The following SNX24 variants were observed in gnomAD, a reference collection of about 807,000 sequenced individuals.
SNX24 encodes sorting nexin-24.
A neutral mutation model predicts 28.7 loss-of-function variants in SNX24; 22 were observed. That is an observed-to-expected ratio of 0.77 (90% CI 0.55 to 1.10). SNX24 has a LOEUF of 1.10. Among genes scored for constraint, SNX24 ranks in the 50% least tolerant of loss-of-function variants. The pLI is 0.00. For missense variants in SNX24, 221 were observed against 201.1 expected (o/e 1.10, Z -0.60); for synonymous variants, 69 against 71.5 (o/e 0.96, Z 0.18).
At chr5:122,881,834 CAT>C (rs974285876) in intron 1 of SNX24, among the ~76,000 whole-genome samples, 4 of 151,208 alleles carry the variant, frequency 2.6e-5, no homozygotes, top group Non-Finnish European at 4.4e-5. Context: ...ATAGAAAAAA[CAT>C]ATAGTAAATT....
At chr5:122,845,902 G>T (rs1464855602) in intron 1 of SNX24, among the ~76,000 whole-genome samples, 3 of 151,854 alleles carry the variant, frequency 2.0e-5, no homozygotes, top group Admixed American at 2.0e-4. Context: ...GGCGCCCCTA[G>T]CCCCTCGGGG....
chr5:123,019,990 A>G (rs541342583), intron 5 of SNX24, among the ~76,000 whole-genome samples: 52 of 152,356 alleles, frequency 3.4e-4, no homozygotes, highest in Non-Finnish European at 6.8e-4. Flanking sequence ...CCACTGGTGC[A>G]CTAGTGGGTT....
At chr5:123,013,680 A>G (rs1415606957), downstream of SNX24, among the ~76,000 whole-genome samples, 1 of 152,228 alleles carries the variant, frequency 6.6e-6, no homozygotes, top group East Asian at 1.9e-4. Flanking sequence ...AATCTGGCCT[A>G]TAAAATGTGA....
At chr5:122,983,915 A>G (rs1761490288) in intron 3 of SNX24, among the ~76,000 whole-genome samples, 1 of 152,244 alleles carries the variant, frequency 6.6e-6, no homozygotes, top group Admixed American at 6.5e-5. Flanking sequence ...TAGGTTTGCT[A>G]AATATTCATA....
At chr5:122,944,252 A>G (rs963317748) in intron 2 of SNX24, among the ~76,000 whole-genome samples, 8 of 152,110 alleles carry the variant, frequency 5.3e-5, no homozygotes, top group Admixed American at 1.3e-4. Context: ...TCTTCCAGGC[A>G]TGGCTTCTGC....
At chr5:122,903,478 G>A (rs576739661) in intron 1 of SNX24, among the ~76,000 whole-genome samples, 1 of 152,170 alleles carries the variant, frequency 6.6e-6, no homozygotes, top group East Asian at 1.9e-4. Flanking sequence ...ACTGTGTTTT[G>A]GCCAGTGAAC....
intron 1 of SNX24, among the ~76,000 whole-genome samples, chr5:122,865,055 T>C (rs1157930473): frequency 6.6e-6 from 1 of 152,210 alleles, no homozygotes; most frequent in African/African-American, 2.4e-5. Context: ...CAGCCATACT[T>C]TTGCAAAGGC....
Position 122,884,258 on chromosome 5 carries a change from T to TC in SNX24, c.60+38565_60+38566insC, listed in dbSNP as rs1561544857. Among the ~76,000 whole-genome samples, 4 of 144,090 alleles carry TC rather than the reference T, an allele frequency of 2.8e-5. No homozygotes were observed. In the East Asian group the frequency reaches 6.0e-4, roughly 22 times the overall value. The allele number at this position is 144,090 out of a possible 152,430, so 94.5% of individuals were successfully genotyped here. A position where few individuals can be genotyped will look rare whatever the true frequency, so the allele number is the denominator to read the frequency against. On this transcript the variant is annotated intron_variant, in intron 1 of 6. Transcript: ENST00000261369. ...CCTCAATTGTTTCTTTTTCTTTTTT[T>TC]TTTTTTTTTTTTTCAGACAGAGTCT...
chr5:122,865,661 T>C (rs906552783), intron 1 of SNX24, among the ~76,000 whole-genome samples: 15 of 152,248 alleles, frequency 9.9e-5, no homozygotes, highest in African/African-American at 3.4e-4. Context: ...TTTAATTCAA[T>C]AGGCAAAATG....
chr5:122,933,841 T>TC (rs1382371615), intron 1 of SNX24, among the ~76,000 whole-genome samples: 36 of 151,428 alleles, frequency 2.4e-4, no homozygotes, highest in African/African-American at 8.0e-4. Flanking sequence ...TTTTTTTTTT[T>TC]CCACGATCTC....
intron 1 of SNX24, among the ~76,000 whole-genome samples, chr5:122,914,298 C>T (rs1393889681): frequency 6.6e-6 from 1 of 152,220 alleles, no homozygotes; most frequent in African/African-American, 2.4e-5. Context: ...TTCGGTTTGC[C>T]AGTATTTTAT....
intron 3 of SNX24, among the ~76,000 whole-genome samples, chr5:122,975,600 A>G (rs907360260): frequency 6.6e-6 from 1 of 152,228 alleles, no homozygotes; most frequent in African/African-American, 2.4e-5. Context: ...GACTGAAAAA[A>G]TATATTCAAG....
At chr5:122,907,015 T>C (rs1281668106) in intron 1 of SNX24, among the ~76,000 whole-genome samples, 2 of 152,142 alleles carry the variant, frequency 1.3e-5, no homozygotes, top group South Asian at 2.1e-4. Flanking sequence ...TGCCTAGACA[T>C]TGAATAACAT....
chr5:122,848,344 C>A (rs1327968485), intron 1 of SNX24, among the ~76,000 whole-genome samples: 1 of 152,136 alleles, frequency 6.6e-6, no homozygotes, highest in Non-Finnish European at 1.5e-5. Context: ...GATCCTCCCA[C>A]CTTGACCTCC....
At chr5:122,944,786 A>G (rs1759613117) in intron 2 of SNX24, among the ~76,000 whole-genome samples, 1 of 152,172 alleles carries the variant, frequency 6.6e-6, no homozygotes. Context: ...ACTCTTACAT[A>G]TGGAAAGAAT....
chr5:122,987,872 T>G (rs1761671629), intron 3 of SNX24, among the ~76,000 whole-genome samples: 1 of 152,182 alleles, frequency 6.6e-6, no homozygotes, highest in Admixed American at 6.5e-5. Context: ...GAACAAATAC[T>G]TTCTTTGGCC....
chr5:123,023,973 T>C, intron 5 of SNX24: 2 of 1,614,032 alleles, frequency 1.2e-6, no homozygotes, highest in South Asian at 2.2e-5. Flanking sequence ...TGCCCATCAG[T>C]TGCTTGGAGC....
At chr5:122,958,300 C>A (rs531437611) in intron 3 of SNX24, among the ~76,000 whole-genome samples, 5 of 151,818 alleles carry the variant, frequency 3.3e-5, no homozygotes, top group Non-Finnish European at 7.4e-5. Context: ...GTTGCCCAGG[C>A]TGGAATGCAA....
chr5:122,890,988 A>G, intron 1 of SNX24: 1 of 1,418,330 alleles, frequency 7.1e-7, no homozygotes, highest in Non-Finnish European at 9.3e-7. Flanking sequence ...AAGAGTATGA[A>G]GTGAAAACCC....
Sources: allele counts gnomAD v4.1 joint callset (sites outside exome capture counted in the v4.1 genomes callset), GRCh38; gene constraint gnomAD v4.1.1; transcripts MANE v1.5; gene names NCBI Gene and HGNC (gene_info 2026-07-23, HGNC 2026-07-21).